Variants in ADCY1 observed in about 807,000 individuals in gnomAD.
ADCY1 encodes the protein adenylate cyclase 1.
Under a neutral mutation model 105.4 loss-of-function variants are expected in ADCY1, and 28 were observed. The observed-to-expected ratio is 0.27, with a 90% CI of 0.20 to 0.36. The LOEUF (loss-of-function observed/expected upper bound fraction) is 0.36. ADCY1 is among the 10% of genes least tolerant of loss of function. ADCY1 has a pLI of 1.00. For missense variants in ADCY1, 977 were observed against 1,434.2 expected, an observed-to-expected ratio of 0.68 and a Z score of 5.15; for synonymous variants, 655 against 623.8, an observed-to-expected ratio of 1.05 and a Z score of -0.75.
intron 1 of ADCY1, among the ~76,000 whole-genome samples, chr7:45,587,944 G>C (rs1207065917): frequency 6.6e-6 from 1 of 152,154 alleles, no homozygotes; most frequent in Non-Finnish European, 1.5e-5. Flanking sequence ...TCCATTTTGT[G>C]CTTTTCCAAA....
chr7:45,585,473 C>T (rs992775433), intron 1 of ADCY1, among the ~76,000 whole-genome samples: 10 of 129,348 alleles, frequency 7.7e-5, no homozygotes, highest in East Asian at 4.4e-4. Flanking sequence ...GATGAAGTTT[C>T]GCTCTTGTTA....
chr7:45,577,336 T>C (rs770695831), intron 1 of ADCY1, among the ~76,000 whole-genome samples: 77 of 152,344 alleles, frequency 5.1e-4, no homozygotes, highest in Middle Eastern at 3.4e-3. Flanking sequence ...GTAGTGATAC[T>C]GACAAACACA....
chr7:45,657,611 C>A, intron 5 of ADCY1, 116 bp from the exon 6 acceptor site: 1 of 1,125,708 alleles, frequency 8.9e-7, no homozygotes, highest in African/African-American at 1.5e-5. Context: ...AGGCCACATG[C>A]AGCAAGGACA....
chr7:45,577,903 C>G (rs942253635), intron 1 of ADCY1, among the ~76,000 whole-genome samples: 3 of 152,204 alleles, frequency 2.0e-5, no homozygotes, highest in African/African-American at 7.2e-5. Flanking sequence ...CCTAAGGAGG[C>G]CTGGAAAAAG....
At chr7:45,657,403 C>T (rs572610444) in intron 5 of ADCY1, among the ~76,000 whole-genome samples, 20 of 152,352 alleles carry the variant, frequency 1.3e-4, no homozygotes, top group African/African-American at 4.8e-4. Context: ...TGACCAGGTC[C>T]ACCTGGGATT....
chr7:45,700,189 T>C (rs1450396457), intron 14 of ADCY1, among the ~76,000 whole-genome samples: 1 of 152,166 alleles, frequency 6.6e-6, no homozygotes, highest in Admixed American at 6.5e-5. Flanking sequence ...ACTCTGGACA[T>C]GTGCACCCTG....
At position 45,623,506 on chromosome 7, in the gene ADCY1, C is replaced by T. The variant is rs542934419; in HGVS notation, c.1020+763C>T. Among the ~76,000 whole-genome samples the T allele has an allele frequency of 5.3e-5, 8 of 152,278 alleles. No homozygotes were observed. The South Asian group carries it at 6.2e-4, about 12-fold the overall frequency. On this transcript the variant is annotated intron_variant, in intron 4 of 19. Coordinates refer to ENST00000297323, the MANE Select transcript of ADCY1 (RefSeq NM_021116.4). ...TGCTGTGTTTAGAGATAGGACATGT[C>T]GGGCTGGGATCTGAGCTGCAGAAGC...
At chr7:45,699,549 C>G (rs1371189925) in intron 14 of ADCY1, among the ~76,000 whole-genome samples, 1 of 151,708 alleles carries the variant, frequency 6.6e-6, no homozygotes, top group Non-Finnish European at 1.5e-5. Flanking sequence ...CCCGAGCAGC[C>G]AGGGTGAGAG....
rs889665975 is a variant in ADCY1 at position 45,686,795 on chromosome 7, C to T, written c.2454+122C>T. The T allele has an allele frequency of 1.4e-4, 196 of 1,373,864 alleles. No individual in the cohort carries two copies. Among genetic ancestry groups the T allele is most frequent in the Non-Finnish European group, 1.8e-4 (188 of 1,036,772 alleles). 85.1% of individuals were successfully genotyped at this position (1,373,864 alleles called of 1,614,324 possible). A position where few individuals can be genotyped will look rare whatever the true frequency, so the allele number is the denominator to read the frequency against. On this transcript the variant is annotated intron_variant, in intron 14 of 19. Transcript: ENST00000297323. The surrounding 1 kb of genome is among the most constrained non-coding windows in gnomAD (Gnocchi z 4.3). ...CGCCGTATGGCCCTCGGAGGGCCCT[C>T]CTCAGCAGCATGCAAGCCAGGCACT...
chr7:45,589,008 C>T (rs765950847), intron 1 of ADCY1, among the ~76,000 whole-genome samples: 4 of 152,064 alleles, frequency 2.6e-5, no homozygotes, highest in Non-Finnish European at 4.4e-5. Context: ...TGGGTTTCTC[C>T]TTAGGTCTCT....
chr7:45,694,112 T>TAAA (rs1179413059), intron 14 of ADCY1, among the ~76,000 whole-genome samples: 13 of 31,766 alleles, frequency 4.1e-4, no homozygotes, highest in Non-Finnish European at 7.1e-4. Context: ...ACTTAGAGTA[T>TAAA]AATAAAAAAA....
At chr7:45,625,718 A>G (rs1221557543) in intron 4 of ADCY1, among the ~76,000 whole-genome samples, 1 of 125,566 alleles carries the variant, frequency 8.0e-6, no homozygotes, top group Non-Finnish European at 1.8e-5. Flanking sequence ...ATATGCATGT[A>G]TGTGCCTTGT....
chr7:45,622,288 A>T (rs1212738436), intron 3 of ADCY1, among the ~76,000 whole-genome samples: 1 of 152,076 alleles, frequency 6.6e-6, no homozygotes, highest in Non-Finnish European at 1.5e-5. Flanking sequence ...CGCTGGCCAC[A>T]TCCCAGTCAC....
chr7:45,612,931 G>A lies in ADCY1; in HGVS notation c.908+2434G>A, dbSNP rs150518783. Among the ~76,000 whole-genome samples the A allele has an allele frequency of 4.7e-4, 72 of 152,216 alleles. 2 individuals carry two copies. The East Asian group carries it at 0.013, about 28-fold the overall frequency. ...CTGCTTTTCCCTCAGGAGAGAAAGG[G>A]TTGGTAAAGCACCAGAATCTGTGGC... is the stretch of plus-strand genomic sequence containing the variant. On this transcript the variant is annotated intron_variant, in intron 3 of 19. Transcript: ENST00000297323.
chr7:45,713,541 G>T, intron 19 of ADCY1, 152 bp from the exon 20 acceptor site: 1 of 611,422 alleles, frequency 1.6e-6, no homozygotes, highest in Admixed American at 2.8e-5. Context: ...AGGGGCCCTG[G>T]CTGCCAGGCT....
intron 18 of ADCY1, among the ~76,000 whole-genome samples, chr7:45,709,412 C>T (rs1785183235): frequency 6.6e-6 from 1 of 152,206 alleles, no homozygotes; most frequent in Non-Finnish European, 1.5e-5. Context: ...CTCTCGGGGC[C>T]CTTCTGCCCA....
chr7:45,631,251 G>C (rs1794241578), intron 4 of ADCY1, among the ~76,000 whole-genome samples: 1 of 152,212 alleles, frequency 6.6e-6, no homozygotes, highest in Non-Finnish European at 1.5e-5. Context: ...CAAGTTCTTA[G>C]ATAACCAGAT....
chr7:45,663,472 C>A (rs2116133346), intron 8 of ADCY1, among the ~76,000 whole-genome samples: 1 of 152,280 alleles, frequency 6.6e-6, no homozygotes, highest in South Asian at 2.1e-4. Flanking sequence ...GGGGACTGGC[C>A]TCTAGGTGGC....
Position 45,660,163 on chromosome 7 carries a change from G to T in ADCY1, c.1429G>T (p.Val477Leu). 1 of 1,614,158 alleles carries T rather than the reference G, an allele frequency of 6.2e-7. No individual in the cohort carries two copies. Among genetic ancestry groups the T allele is most frequent in the Non-Finnish European group, 8.5e-7 (1 of 1,180,004 alleles). ...KTHNIETFFI[V>L]PSHRRKIFPG... ...TCATAACATCGAAACCTTTTTTATT[G>T]TGCCATCCCATCGCCGAAAGGTAGG... is the stretch of plus-strand genomic sequence containing the variant. Residue 477 changes from valine (V) to leucine (L), a missense_variant, in exon 7 of 20, where the codon GTG becomes TTG. Around this residue, in one of 7 missense-constraint regions of ADCY1, gnomAD observed 66 missense variants for 127.2 expected, o/e 0.52. Transcript: ENST00000297323.
Sources: gnomAD v4.1 joint callset for allele counts (sites outside exome capture counted in the v4.1 genomes callset) on GRCh38, gnomAD v4.1.1 for gene constraint, gnomAD v4.1.1 regional missense constraint, Gnocchi (gnomAD v3.1) non-coding constraint, MANE v1.5 for transcripts, NCBI Gene and HGNC (gene_info 2026-07-23, HGNC 2026-07-21) for gene names.